The following TLL2 variants were observed in gnomAD, a reference collection of about 807,000 sequenced individuals.
TLL2 encodes the protein tolloid-like protein 2.
In TLL2, 106 loss-of-function variants were observed where a neutral mutation model predicts 123.0. The ratio of observed to expected loss-of-function variants is 0.86; its 90% CI spans 0.74 to 1.01. The LOEUF is 1.01. Among genes scored for constraint, TLL2 ranks in the 50% least tolerant of loss-of-function variants. TLL2 has a pLI of 0.00. For missense variants in TLL2, 1,332 were observed against 1,336.7 expected (o/e 1.00, Z 0.06); for synonymous variants, 494 against 516.8 (o/e 0.96, Z 0.60).
At chr10:96,381,916 C>A (rs562093658) in intron 16 of TLL2, among the ~76,000 whole-genome samples, 1 of 152,314 alleles carries the variant, frequency 6.6e-6, no homozygotes, top group Non-Finnish European at 1.5e-5. Context: ...TGGGTCATTT[C>A]TATGCCAAGC....
At chr10:96,378,881 C>T in intron 17 of TLL2, 86 bp downstream of exon 17, 3 of 1,550,684 alleles carry the variant, frequency 1.9e-6, no homozygotes, top group Non-Finnish European at 2.6e-6. Context: ...CCTCGCCGCA[C>T]CTCCTTACTC....
chr10:96,382,858 G>C (rs1435880846), intron 16 of TLL2, among the ~76,000 whole-genome samples: 1 of 152,154 alleles, frequency 6.6e-6, no homozygotes, highest in Non-Finnish European at 1.5e-5. Flanking sequence ...TAAGATAGAG[G>C]AATAAGACGA....
At chr10:96,501,353 C>A (rs1847531633) in intron 1 of TLL2, among the ~76,000 whole-genome samples, 1 of 152,190 alleles carries the variant, frequency 6.6e-6, no homozygotes, top group South Asian at 2.1e-4. Context: ...ACCCACAGAG[C>A]CACTATCTCT....
rs776394933 is a variant in TLL2 at position 96,377,372 on chromosome 10, C to T, written c.2321-553G>A. 1.4e-3 allele frequency among the ~76,000 whole-genome samples: 206 copies of T among 152,326 alleles called. 1 individual carries two copies. Among genetic ancestry groups the T allele is most frequent in the Non-Finnish European group, 1.8e-3 (121 of 68,036 alleles). On this transcript the variant is annotated intron_variant, in intron 17 of 20. Transcript: ENST00000357947. ...TCAAAGTGGCTTTATTTGGAGTCTA[C>T]CAAGTTTGTCCTGGTTACAGTGCTA... is the stretch of plus-strand genomic sequence containing the variant.
intron 1 of TLL2, among the ~76,000 whole-genome samples, chr10:96,509,878 C>T (rs1010178791): frequency 2.0e-5 from 3 of 152,160 alleles, no homozygotes; most frequent in African/African-American, 4.8e-5. Context: ...ACCCGGGAGG[C>T]GGAGCTTGCA....
At chr10:96,375,708 G>C (rs1210949934) in intron 18 of TLL2, among the ~76,000 whole-genome samples, 1 of 152,052 alleles carries the variant, frequency 6.6e-6, no homozygotes, top group East Asian at 1.9e-4. Flanking sequence ...GGGCCCATTC[G>C]CCTCTTCTGC....
At chr10:96,377,255 G>T (rs1234686934) in intron 17 of TLL2, among the ~76,000 whole-genome samples, 1 of 152,210 alleles carries the variant, frequency 6.6e-6, no homozygotes, top group Non-Finnish European at 1.5e-5. Flanking sequence ...CATGGGAAAG[G>T]CTTAGGGCAT....
chr10:96,381,284 T>C (rs1312835122), intron 16 of TLL2, among the ~76,000 whole-genome samples: 1 of 152,222 alleles, frequency 6.6e-6, no homozygotes, highest in African/African-American at 2.4e-5. Flanking sequence ...AGTTTAGGCT[T>C]CCCCTGCTCA....
chr10:96,386,000 A>G (rs1362750484), intron 15 of TLL2, 55 bp downstream of exon 15: 8 of 1,447,850 alleles, frequency 5.5e-6, no homozygotes. Flanking sequence ...ACTGGTTTCC[A>G]GCTCTGAGTC....
intron 7 of TLL2, among the ~76,000 whole-genome samples, chr10:96,419,058 A>T (rs1457731279): frequency 6.6e-6 from 1 of 151,982 alleles, no homozygotes; most frequent in African/African-American, 2.4e-5. Context: ...TTTCCCAAAC[A>T]GGTGAATCAG....
chr10:96,420,110 T>C (rs1846604585), intron 7 of TLL2, among the ~76,000 whole-genome samples: 2 of 152,034 alleles, frequency 1.3e-5, no homozygotes, highest in Non-Finnish European at 2.9e-5. Flanking sequence ...ACAGATCCTT[T>C]TGGGGGAAGA....
In TLL2 at chr10:96,396,050, C is replaced by A. The variant is rs777659724; in HGVS notation, c.1385-30G>T. 5.6e-6 allele frequency: 9 copies of A among 1,611,528 alleles called. No homozygotes were observed. In the African/African-American group the frequency reaches 1.1e-4, roughly 19 times the overall value. ...AGAAAGAGACATCAGGAGAGGAAGA[C>A]GGGGGCCCTGGTCAGATCTTACTTA... On this transcript the variant is annotated intron_variant, in intron 11 of 20. Coordinates refer to ENST00000357947, the MANE Select transcript of TLL2 (RefSeq NM_012465.4).
chr10:96,445,986 G>T, intron 3 of TLL2, 105 bp downstream of exon 3: 2 of 1,154,922 alleles, frequency 1.7e-6, no homozygotes, highest in Non-Finnish European at 2.6e-6. Flanking sequence ...TGTACTTAAT[G>T]CCACTAAAGG....
intron 9 of TLL2, among the ~76,000 whole-genome samples, chr10:96,409,245 G>A (rs578194285): frequency 6.6e-6 from 1 of 152,326 alleles, no homozygotes; most frequent in Admixed American, 6.5e-5. Flanking sequence ...ACTGTGTGGA[G>A]TGCTGGGGCC....
chr10:96,405,197 C>T (rs1846437676), intron 10 of TLL2, 35 bp downstream of exon 10: 1 of 1,589,360 alleles, frequency 6.3e-7, no homozygotes, highest in African/African-American at 1.3e-5. Context: ...AACATCCCAT[C>T]ACTCCTCTCT....
chr10:96,416,376 C>A (rs955721119), intron 7 of TLL2, among the ~76,000 whole-genome samples: 5 of 151,788 alleles, frequency 3.3e-5, no homozygotes, highest in African/African-American at 1.2e-4. Context: ...ATGTGCCAGG[C>A]CCTGCACTGG....
At position 96,395,219 on chromosome 10, in the gene TLL2, T is replaced by G; in HGVS notation, c.1694A>C (p.Asn565Thr). 1 of 1,609,576 alleles carries G rather than the reference T, an allele frequency of 6.2e-7. No homozygotes were observed. Among genetic ancestry groups the G allele is most frequent in the Non-Finnish European group, 8.5e-7 (1 of 1,178,518 alleles). ...WMKFVSDGSI[N>T]KAGFAANFFK... is the part of the protein sequence containing the mutation. ...AAAATTGGCTGCAAAGCCCGCTTTA[T>G]TGATAGAGCCATCGGACACAAACTT... The change falls in exon 13 of 21, where the codon AAT becomes ACT. Residue 565 changes from asparagine to threonine, a missense_variant. Transcript: ENST00000357947.
Position 96,480,394 on chromosome 10 carries a change from T to C in TLL2, c.241A>G (p.Arg81Gly), listed in dbSNP as rs747972273. 8 of 1,614,102 alleles carry C rather than the reference T, an allele frequency of 5.0e-6. No individual in the cohort carries two copies. The highest frequency in any genetic ancestry group is 6.8e-6 in the Non-Finnish European group (8 of 1,180,046). Residue 81 changes from arginine to glycine, a missense_variant, in exon 2 of 21, where the codon AGA (arginine) becomes GGA (glycine). Transcript: ENST00000357947. ...CCCACTGTCTGCTTGGTCCAGTCTC[T>C]GGCTTTGTCAATGTGAAACAGCTTC... ...DLKLFHIDKA[R>G]DWTKQTVGAT...
intron 2 of TLL2, among the ~76,000 whole-genome samples, chr10:96,472,821 C>G (rs1847197715): frequency 6.6e-6 from 1 of 152,126 alleles, no homozygotes; most frequent in Non-Finnish European, 1.5e-5. Context: ...TGTTGGATCT[C>G]TTTTTAGAGC....
Sources: allele counts gnomAD v4.1 joint callset (sites outside exome capture counted in the v4.1 genomes callset), GRCh38; gene constraint gnomAD v4.1.1; transcripts MANE v1.5; gene names NCBI Gene and HGNC (gene_info 2026-07-23, HGNC 2026-07-21).